ZNF316: variants seen among roughly 807,000 people sequenced by gnomAD.
ZNF316 encodes the protein zinc finger protein 316.
A neutral mutation model predicts 75.6 loss-of-function variants in ZNF316; 23 were observed. The observed-to-expected ratio is 0.30, with a 90% CI of 0.22 to 0.43. The LOEUF (loss-of-function observed/expected upper bound fraction) is 0.43, where lower values mean the gene tolerates loss of function less well. ZNF316 is among the 20% of genes least tolerant of loss of function. The probability of loss-of-function intolerance (pLI) is 1.00; values close to 1 mark genes in which losing one functional copy is unlikely to be tolerated. For synonymous variants in ZNF316, 827 were observed against 666.2 expected (o/e 1.24, Z -3.72); for missense variants, 1,266 against 1,409.4 (o/e 0.90, Z 1.63).
chr7:6,643,324 C>G (rs1270468001), intron 6 of ZNF316, among the ~76,000 whole-genome samples: 2 of 152,226 alleles, frequency 1.3e-5, no homozygotes, highest in South Asian at 2.1e-4. Context: ...CTCAACCGCA[C>G]TGTGCACAGC....
At chr7:6,643,413 T>G (rs1261247834) in intron 6 of ZNF316, among the ~76,000 whole-genome samples, 8 of 152,252 alleles carry the variant, frequency 5.3e-5, no homozygotes, top group Non-Finnish European at 1.2e-4. Flanking sequence ...GGGTCTGGGT[T>G]CCTGCTGCCC....
intron 8 of ZNF316, among the ~76,000 whole-genome samples, chr7:6,648,286 G>A (rs1779445449): frequency 6.6e-6 from 1 of 152,128 alleles, no homozygotes; most frequent in African/African-American, 2.4e-5. Context: ...GGCTGGCCAG[G>A]GGCCTATCTA....
At chr7:6,644,449 C>T (rs1480972273) in intron 7 of ZNF316, 31 bp from the exon 8 acceptor site, 10 of 1,200,728 alleles carry the variant, frequency 8.3e-6, no homozygotes, top group South Asian at 4.2e-5. Flanking sequence ...CCACGGGAGC[C>T]GCCTGCAGCC....
In ZNF316 at chr7:6,656,642, C is replaced by T. The variant is rs1219661804; in HGVS notation, c.*2031C>T. On this transcript the variant is annotated 3_prime_UTR_variant, in exon 9 of 9. Coordinates refer to ENST00000382252, the MANE Select transcript of ZNF316 (RefSeq NM_001278559.2). ...TGCCCACCGTATTCCTTGGTGGCCC[C>T]CACGCTGCCCCACACTTGATGTAGT... is the stretch of plus-strand genomic sequence containing the variant. 6.6e-6 allele frequency among the ~76,000 whole-genome samples: 1 copy of T among 152,234 alleles called. No individual in the cohort carries two copies. The highest frequency in any genetic ancestry group is 1.5e-5 in the Non-Finnish European group (1 of 68,044).
Position 6,653,415 on chromosome 7 carries a change from T to A in ZNF316, c.1819T>A (p.Trp607Arg), listed in dbSNP as rs1779552561. The A allele has an allele frequency of 8.1e-7, 1 of 1,227,690 alleles. No individual in the cohort carries two copies. Among genetic ancestry groups the A allele is most frequent in the African/African-American group, 1.6e-5 (1 of 64,130 alleles). The allele number at this position is 1,227,690 out of a possible 1,614,324, so 76.0% of individuals were successfully genotyped here. A position where few individuals can be genotyped will look rare whatever the true frequency, so the allele number is the denominator to read the frequency against. ...CCACTTCCCCGTGCACCCCAAGTCC[T>A]GGCTGCACCCGGACAGCTTCCCGAT... Reference protein sequence around the residue: ...GFHFPVHPKSWLHPDSFPILG... With the variant: ...GFHFPVHPKSRLHPDSFPILG... Residue 607 changes from tryptophan (W) to arginine (R), a missense_variant, in exon 9 of 9, where the codon TGG (tryptophan) becomes AGG (arginine). Physicochemically the swap from Trp to Arg is moderately radical, Grantham distance 101. Transcript: ENST00000382252.
In ZNF316 at chr7:6,641,810, T is replaced by G. The variant is rs1197170873; in HGVS notation, c.-166-15T>G. 6.6e-6 allele frequency: 1 copy of G among 152,304 alleles called. No individual in the cohort carries two copies. The highest frequency in any genetic ancestry group is 1.9e-4 in the East Asian group (1 of 5,200). The allele number at this position is 152,304 out of a possible 1,614,324, so 9.4% of individuals were successfully genotyped here. On this transcript the variant is annotated splice_polypyrimidine_tract_variant and intron_variant, in intron 3 of 8. Coordinates refer to ENST00000382252, the MANE Select transcript of ZNF316 (RefSeq NM_001278559.2). ...TGATGCTGGCTCACAGCCCCCACTC[T>G]CCCATGTCCTGCAGGAAGAAGCCTG...
intron 8 of ZNF316, among the ~76,000 whole-genome samples, chr7:6,646,584 C>T (rs985635971): frequency 1.3e-5 from 2 of 152,020 alleles, no homozygotes; most frequent in African/African-American, 2.4e-5. Flanking sequence ...TGCGGATGGT[C>T]GTCGTGTTGG....
rs374768147 is a variant in ZNF316, at chr7:6,639,715, G to T, written c.-167+574G>T. ...GAGCTTGGCATGGCACCTAGGCCCAGCCTGAATCTGCGGCCTGAGGCTTGA... is the reference window on the plus strand; with the variant it reads ...GAGCTTGGCATGGCACCTAGGCCCATCCTGAATCTGCGGCCTGAGGCTTGA... On this transcript the variant is annotated intron_variant, in intron 3 of 8. Coordinates refer to ENST00000382252, the MANE Select transcript of ZNF316 (RefSeq NM_001278559.2). This position sits in a 1 kb window ranked among gnomAD's most constrained non-coding sequence, Gnocchi z 4.2. Among the ~76,000 whole-genome samples, 1 of 152,228 alleles carries T rather than the reference G, an allele frequency of 6.6e-6. No individual in the cohort carries two copies. Among genetic ancestry groups the T allele is most frequent in the Non-Finnish European group, 1.5e-5 (1 of 68,046 alleles).
Position 6,654,286 on chromosome 7 carries a change from C to T in ZNF316, c.2690C>T (p.Ser897Leu). 8.2e-7 allele frequency: 1 copy of T among 1,224,038 alleles called. No homozygotes were observed. The highest frequency in any genetic ancestry group is 1.0e-6 in the Non-Finnish European group (1 of 982,494). The allele number at this position is 1,224,038 out of a possible 1,614,324, so 75.8% of individuals were successfully genotyped here. A position where few individuals can be genotyped will look rare whatever the true frequency, so the allele number is the denominator to read the frequency against. The stretch of plus-strand genomic sequence containing the variant: ...TGCCCTGAGTGCGGCAAGCGCTTTT[C>T]GCAGCGCTCGGTGCTGGTCACGCAC... Reference protein sequence around the residue: ...FPCPECGKRFSQRSVLVTHQR... With the variant: ...FPCPECGKRFLQRSVLVTHQR... Residue 897 changes from serine to leucine, a missense_variant, in exon 9 of 9, where the codon TCG (serine) becomes TTG (leucine). Physicochemically the swap from Ser to Leu is moderately radical, Grantham distance 145. Transcript: ENST00000382252.
Position 6,653,924 on chromosome 7 carries a change from G to A in ZNF316, c.2328G>A (p.Val776=). Residue 776 remains valine (V), a synonymous_variant, in exon 9 of 9, where the codon GTG becomes GTA. Transcript: ENST00000382252. ...GCCACACGGGCGAGAAGCCGTTCGT[G>A]TGCGGCGTGTGCGGTGCGGGGTTCA... ...VRGHTGEKPF[V]CGVCGAGFSR... is the part of the protein sequence containing the mutation. 8.8e-7 allele frequency: 1 copy of A among 1,139,810 alleles called. No homozygotes were observed. Among genetic ancestry groups the A allele is most frequent in the Non-Finnish European group, 1.1e-6 (1 of 929,778 alleles). The allele number at this position is 1,139,810 out of a possible 1,614,324, so 70.6% of individuals were successfully genotyped here. A position where few individuals can be genotyped will look rare whatever the true frequency, so the allele number is the denominator to read the frequency against.
chr7:6,651,538 C>T (rs1026829765), intron 8 of ZNF316, among the ~76,000 whole-genome samples: 21 of 152,002 alleles, frequency 1.4e-4, no homozygotes, highest in Non-Finnish European at 2.6e-4. Context: ...GCCTGTAATC[C>T]CAGCTACTAG....
rs1410190973 is a variant in ZNF316, at chr7:6,655,245, GA to G, written c.*636del. On this transcript the variant is annotated 3_prime_UTR_variant, in exon 9 of 9. Coordinates refer to ENST00000382252, the MANE Select transcript of ZNF316 (RefSeq NM_001278559.2). ...ATTTCCACTTCTTGTATGGCCTGAA[GA>G]ATCTAGGAGGAGAAAAAGCCAGATA... 6.6e-6 allele frequency: 1 copy of G among 152,244 alleles called. No individual in the cohort carries two copies. Among genetic ancestry groups the G allele is most frequent in the Non-Finnish European group, 1.5e-5 (1 of 68,058 alleles). The allele number at this position is 152,244 out of a possible 1,614,324, so 9.4% of individuals were successfully genotyped here.
chr7:6,642,234 G>A lies in ZNF316; in HGVS notation c.-28-148G>A, dbSNP rs562771917. On this transcript the variant is annotated intron_variant, in intron 4 of 8. Transcript: ENST00000382252. This position sits in a 1 kb window ranked among gnomAD's most constrained non-coding sequence, Gnocchi z 8.1. ...GCAGGGTAAGATCGTGGGAAGGCCC[G>A]GTCCTCCCTCATCTCCATTGCCTTC... The A allele has an allele frequency of 1.5e-5, 6 of 405,334 alleles. No individual in the cohort carries two copies. Among genetic ancestry groups the A allele is most frequent in the South Asian group, 2.8e-4 (2 of 7,142 alleles). The allele number at this position is 405,334 out of a possible 1,614,324, so 25.1% of individuals were successfully genotyped here.
rs1779630240 is a variant in ZNF316, at chr7:6,656,500, G to T, written c.*1889G>T. On this transcript the variant is annotated 3_prime_UTR_variant, in exon 9 of 9. Coordinates refer to ENST00000382252, the MANE Select transcript of ZNF316 (RefSeq NM_001278559.2). ...TCGGGGAGGCTCTGCGCGGCCTCAG[G>T]TCCAACTTGTTTCTGCAAACATTTT... is the stretch of plus-strand genomic sequence containing the variant. The T allele has an allele frequency of 6.6e-6, 1 of 152,230 alleles. No individual in the cohort carries two copies. The highest frequency in any genetic ancestry group is 2.4e-5 in the African/African-American group (1 of 41,442). 9.4% of individuals were successfully genotyped at this position (152,230 alleles called of 1,614,324 possible).
Position 6,653,605 on chromosome 7 carries a change from C to A in ZNF316, c.2009C>A (p.Pro670His). Residue 670 changes from proline to histidine, a missense_variant, in exon 9 of 9, where the codon CCC becomes CAC. Physicochemically the swap from Pro to His is moderately conservative, Grantham distance 77 (BLOSUM62 -2). This residue lies in a region of ZNF316 where 961 missense variants were observed against 990.9 expected (regional missense o/e 0.97). Transcript: ENST00000382252. ...GGGGGLRAFGPAIGGLLAEPA... is the reference protein window; with the variant it reads ...GGGGGLRAFGHAIGGLLAEPA... ...GGAGGCGGCCTGCGCGCGTTCGGGC[C>A]CGCCATCGGGGGTCTGCTGGCGGAG... 9.4e-7 allele frequency: 1 copy of A among 1,062,304 alleles called. No homozygotes were observed. The highest frequency in any genetic ancestry group is 1.1e-6 in the Non-Finnish European group (1 of 878,460). 65.8% of individuals were successfully genotyped at this position (1,062,304 alleles called of 1,614,324 possible).
chr7:6,654,622 G>A lies in ZNF316; in HGVS notation c.*11G>A. The stretch of plus-strand genomic sequence containing the variant: ...GAGGGCGTCCTGTGAGGGGCCCGGG[G>A]CCGACAGCAGCGCAGCCTGCAGGGC... On this transcript the variant is annotated 3_prime_UTR_variant, in exon 9 of 9. Transcript: ENST00000382252. 8.4e-7 allele frequency: 1 copy of A among 1,184,292 alleles called. No homozygotes were observed. Among genetic ancestry groups the A allele is most frequent in the Non-Finnish European group, 1.0e-6 (1 of 957,220 alleles). 73.4% of individuals were successfully genotyped at this position (1,184,292 alleles called of 1,614,324 possible). A position where few individuals can be genotyped will look rare whatever the true frequency, so the allele number is the denominator to read the frequency against.
chr7:6,646,928 C>T (rs1412593834), intron 8 of ZNF316, among the ~76,000 whole-genome samples: 1 of 152,136 alleles, frequency 6.6e-6, no homozygotes, highest in Non-Finnish European at 1.5e-5. Flanking sequence ...ACCCACCCCT[C>T]CTGAGGGCTG....
At position 6,642,170 on chromosome 7, in the gene ZNF316, A is replaced by C. The variant is rs769746317; in HGVS notation, c.-29+208A>C. On this transcript the variant is annotated intron_variant, in intron 4 of 8. Coordinates refer to ENST00000382252, the MANE Select transcript of ZNF316 (RefSeq NM_001278559.2). The surrounding 1 kb of genome is among the most constrained non-coding windows in gnomAD (Gnocchi z 8.1). The stretch of plus-strand genomic sequence containing the variant: ...ATCCCAGGGGTCACGCGGAGGGGCC[A>C]TTGGGGCAGCCTTTCTGGGTACAGA... 2 of 378,298 alleles carry C rather than the reference A, an allele frequency of 5.3e-6. No homozygotes were observed. Among genetic ancestry groups the C allele is most frequent in the Admixed American group, 4.5e-5 (1 of 21,996 alleles). The allele number at this position is 378,298 out of a possible 1,614,324, so 23.4% of individuals were successfully genotyped here.
chr7:6,657,399 C>G lies in ZNF316; in HGVS notation c.*2788C>G, dbSNP rs1434111909. Among the ~76,000 whole-genome samples the G allele has an allele frequency of 1.3e-5, 2 of 150,736 alleles. No homozygotes were observed. Among genetic ancestry groups the G allele is most frequent in the Non-Finnish European group, 2.9e-5 (2 of 67,872 alleles). On this transcript the variant is annotated 3_prime_UTR_variant, in exon 9 of 9. Coordinates refer to ENST00000382252, the MANE Select transcript of ZNF316 (RefSeq NM_001278559.2). The stretch of plus-strand genomic sequence containing the variant: ...ACTTGGGAGGCTGAGGTGGGAGGAT[C>G]GCCTGAGACCAGAAATTCAAGGCCA...
Sources: allele counts gnomAD v4.1 joint callset (sites outside exome capture counted in the v4.1 genomes callset), GRCh38; gene constraint gnomAD v4.1.1; regional missense constraint gnomAD v4.1.1; non-coding constraint Gnocchi (gnomAD v3.1); transcripts MANE v1.5; gene names NCBI Gene and HGNC (gene_info 2026-07-23, HGNC 2026-07-21).